Variants in ZNF320 observed in about 807,000 individuals in gnomAD.
ZNF320 encodes the protein zinc finger protein 320.
ZNF320 carries 2 observed loss-of-function variants against 6.8 expected under a neutral mutation model. The observed-to-expected ratio is 0.29, with a 90% CI of 0.12 to 0.93. The LOEUF (loss-of-function observed/expected upper bound fraction) is 0.93, where lower values mean the gene tolerates loss of function less well. Among genes scored for constraint, ZNF320 ranks in the 40% least tolerant of loss-of-function variants. The pLI, the probability that ZNF320 is intolerant of heterozygous loss-of-function variation, is 0.55. For synonymous variants in ZNF320, 208 were observed against 203.2 expected (o/e 1.02, Z -0.20); for missense variants, 472 against 611.0 (o/e 0.77, Z 2.40).
chr19:52,872,351 G>T (rs2063694511), downstream of ZNF320, among the ~76,000 whole-genome samples: 1 of 152,218 alleles, frequency 6.6e-6, no homozygotes, highest in Admixed American at 6.5e-5. Context: ...CTCCACACCT[G>T]TGGGTATTCC....
At chr19:52,899,549 A>T (rs1434449594), upstream of ZNF320, among the ~76,000 whole-genome samples, 1 of 151,584 alleles carries the variant, frequency 6.6e-6, no homozygotes, top group African/African-American at 2.4e-5. Flanking sequence ...TGCAAGCTCC[A>T]CCTCCCGGGT....
chr19:52,875,411 A>G (rs2063748545), downstream of ZNF320, among the ~76,000 whole-genome samples: 1 of 152,216 alleles, frequency 6.6e-6, no homozygotes, highest in South Asian at 2.1e-4. Context: ...AAGGAAAAGC[A>G]GTGGGTGTGG....
At position 52,879,740 on chromosome 19, in the gene ZNF320, G is replaced by A. The variant is rs2063858085; in HGVS notation, c.*856C>T. ...ACTGGAACTAAAAAACATATGCAGT[G>A]GATTTGAAGAATAGAATAACAGCAC... On this transcript the variant is annotated 3_prime_UTR_variant, in exon 6 of 6. Coordinates refer to ENST00000682928, the MANE Select transcript of ZNF320 (RefSeq NM_001351774.2). 1 of 151,950 alleles carries A rather than the reference G, an allele frequency of 6.6e-6. No individual in the cohort carries two copies. Among genetic ancestry groups the A allele is most frequent in the South Asian group, 2.1e-4 (1 of 4,810 alleles). The allele number at this position is 151,950 out of a possible 1,614,324, so 9.4% of individuals were successfully genotyped here.
downstream of ZNF320, among the ~76,000 whole-genome samples, chr19:52,871,954 C>T (rs189967794): frequency 2.6e-5 from 4 of 152,320 alleles, no homozygotes; most frequent in East Asian, 5.8e-4. Context: ...CTCATCTGCA[C>T]CCAGGGTCCC....
chr19:52,875,369 T>C (rs2063747880), downstream of ZNF320, among the ~76,000 whole-genome samples: 1 of 151,996 alleles, frequency 6.6e-6, no homozygotes, highest in African/African-American at 2.4e-5. Context: ...GCAGGGGACA[T>C]GGGTAGGTGG....
chr19:52,893,569 C>T (rs2064378265), intron 2 of ZNF320: 1 of 152,140 alleles, frequency 6.6e-6, no homozygotes, highest in Non-Finnish European at 1.5e-5. Context: ...ATCACTTGAA[C>T]TCGGGAGTCA....
chr19:52,903,002 A>T, the ZNF320 span, among the ~76,000 whole-genome samples: 1 of 152,322 alleles, frequency 6.6e-6, no homozygotes, highest in South Asian at 2.1e-4. Context: ...ACTTTTTAAT[A>T]TAGGTAAAAA....
In ZNF320 at chr19:52,878,525, A is replaced by G; in HGVS notation, c.*2071T>C. The G allele has an allele frequency of 6.6e-6, 1 of 152,314 alleles. No individual in the cohort carries two copies. The highest frequency in any genetic ancestry group is 1.5e-5 in the Non-Finnish European group (1 of 68,094). The allele number at this position is 152,314 out of a possible 1,614,324, so 9.4% of individuals were successfully genotyped here. A position where few individuals can be genotyped will look rare whatever the true frequency, so the allele number is the denominator to read the frequency against. ...CGGCCTCCCAAAGTGCTGGGATTAC[A>G]GGTGTGAGCCACCACACCTGTCCTG... On this transcript the variant is annotated 3_prime_UTR_variant, in exon 6 of 6. Coordinates refer to ENST00000682928, the MANE Select transcript of ZNF320 (RefSeq NM_001351774.2).
intron 5 of ZNF320, among the ~76,000 whole-genome samples, chr19:52,867,887 C>T (rs1418020252): frequency 6.6e-6 from 1 of 152,140 alleles, no homozygotes; most frequent in African/African-American, 2.4e-5. Context: ...ACTGGGATTA[C>T]AGGCTTGAGC....
chr19:52,860,848 A>G (rs1348290981), downstream of ZNF320, among the ~76,000 whole-genome samples: 1 of 152,046 alleles, frequency 6.6e-6, no homozygotes, highest in Non-Finnish European at 1.5e-5. Context: ...GTAGACTAAA[A>G]CTTTGTCATT....
At chr19:52,866,055 T>C (rs1229659023) in intron 5 of ZNF320, among the ~76,000 whole-genome samples, 2 of 118,358 alleles carry the variant, frequency 1.7e-5, no homozygotes, top group Non-Finnish European at 3.5e-5. Flanking sequence ...TATATATGAT[T>C]ATACATATAT....
downstream of ZNF320, among the ~76,000 whole-genome samples, chr19:52,873,385 C>A (rs1052936368): frequency 6.6e-6 from 1 of 152,192 alleles, no homozygotes; most frequent in Non-Finnish European, 1.5e-5. Context: ...TTTCACAAAG[C>A]ATATTGCCTG....
rs2063850870 is a variant in ZNF320, at chr19:52,879,497, C to T, written c.*1099G>A. 1 of 155,852 alleles carries T rather than the reference C, an allele frequency of 6.4e-6. No individual in the cohort carries two copies. Among genetic ancestry groups the T allele is most frequent in the East Asian group, 1.9e-4 (1 of 5,358 alleles). The allele number at this position is 155,852 out of a possible 1,614,324, so 9.7% of individuals were successfully genotyped here. On this transcript the variant is annotated 3_prime_UTR_variant, in exon 6 of 6. Coordinates refer to ENST00000682928, the MANE Select transcript of ZNF320 (RefSeq NM_001351774.2). ...CATGAAATGACCACAGCAGAAATAA[C>T]CAGTCAGGGAAAATGGAATGCTTTT...
chr19:52,873,001 T>C (rs2063707035), downstream of ZNF320, among the ~76,000 whole-genome samples: 1 of 152,194 alleles, frequency 6.6e-6, no homozygotes, highest in Non-Finnish European at 1.5e-5. Flanking sequence ...AACATCTCAG[T>C]GCAGTAAAGA....
At chr19:52,874,760 T>A (rs566255706), downstream of ZNF320, among the ~76,000 whole-genome samples, 13 of 152,110 alleles carry the variant, frequency 8.5e-5, no homozygotes, top group South Asian at 2.7e-3. Flanking sequence ...GGGCTGTGGG[T>A]GATCACAAAA....
chr19:52,889,127 T>C (rs1317816482), intron 4 of ZNF320, among the ~76,000 whole-genome samples: 1 of 151,296 alleles, frequency 6.6e-6, no homozygotes, highest in African/African-American at 2.4e-5. Flanking sequence ...GAGTTTGCAG[T>C]GAGCCGAGAA....
At chr19:52,886,216 C>CCT (rs1387752780) in intron 5 of ZNF320, among the ~76,000 whole-genome samples, 1 of 152,060 alleles carries the variant, frequency 6.6e-6, no homozygotes, top group Non-Finnish European at 1.5e-5. Context: ...CTCACTGCAA[C>CCT]CTCCACCTCC....
intron 4 of ZNF320, among the ~76,000 whole-genome samples, chr19:52,888,833 G>T (rs889194344): frequency 1.3e-5 from 2 of 152,116 alleles, no homozygotes; most frequent in Admixed American, 1.3e-4. Flanking sequence ...GTATAAATGT[G>T]TGTGTATGTG....
At chr19:52,887,013 A>AAAGAAAAGAAAAC (rs57262460) in intron 5 of ZNF320, among the ~76,000 whole-genome samples, 9 of 143,350 alleles carry the variant, frequency 6.3e-5, no homozygotes, top group South Asian at 4.8e-4. Context: ...AAGGAAAAGA[A>AAAGAAAAGAAAAC]AAAACAAAAC....
Sources: gnomAD v4.1 joint callset for allele counts (sites outside exome capture counted in the v4.1 genomes callset) on GRCh38, gnomAD v4.1.1 for gene constraint, MANE v1.5 for transcripts, NCBI Gene and HGNC (gene_info 2026-07-23, HGNC 2026-07-21) for gene names.